The following ACYP2 variants were observed in gnomAD, a reference collection of about 807,000 sequenced individuals.
ACYP2 encodes acylphosphatase 2.
Under a neutral mutation model 11.2 loss-of-function variants are expected in ACYP2, and 12 were observed. The ratio of observed to expected loss-of-function variants is 1.08; its 90% CI spans 0.69 to 1.74. ACYP2 has a LOEUF of 1.74. ACYP2 is among the 40% of genes most tolerant of loss of function. The pLI, the probability that ACYP2 is intolerant of heterozygous loss-of-function variation, is 0.00. For missense variants in ACYP2, 134 were observed against 101.9 expected, an observed-to-expected ratio of 1.31 and a Z score of -1.35; for synonymous variants, 43 against 32.2, an observed-to-expected ratio of 1.33 and a Z score of -1.13.
intron 4 of ACYP2, among the ~76,000 whole-genome samples, chr2:54,132,222 T>C (rs926787763): frequency 2.6e-5 from 4 of 152,168 alleles, no homozygotes; most frequent in African/African-American, 9.7e-5. Flanking sequence ...TCTCCTGTTT[T>C]ATCTCTCTCC....
intron 2 of ACYP2, among the ~76,000 whole-genome samples, chr2:54,021,136 G>T (rs867576546): frequency 6.6e-6 from 1 of 152,110 alleles, no homozygotes; most frequent in South Asian, 2.1e-4. Flanking sequence ...AATTCTGATT[G>T]GCTGTTTTAA....
At chr2:54,004,127 A>T (rs1419533477) in intron 2 of ACYP2, among the ~76,000 whole-genome samples, 4 of 151,838 alleles carry the variant, frequency 2.6e-5, no homozygotes, top group African/African-American at 9.7e-5. Flanking sequence ...GGGACCACAG[A>T]CATGCGCCGC....
intron 4 of ACYP2, among the ~76,000 whole-genome samples, chr2:54,077,569 G>A (rs1335168429): frequency 6.6e-6 from 1 of 152,216 alleles, no homozygotes; most frequent in Non-Finnish European, 1.5e-5. Context: ...AAGGAAAGGG[G>A]ACTTCTGAGA....
intron 2 of ACYP2, among the ~76,000 whole-genome samples, chr2:53,980,421 G>T (rs553365570): frequency 6.6e-6 from 1 of 151,366 alleles, no homozygotes; most frequent in Admixed American, 6.6e-5. Context: ...TATTATTGAA[G>T]AAAGAAAATA....
chr2:54,092,096 C>A lies in ACYP2; in HGVS notation c.277+34736C>A, dbSNP rs554517071. On this transcript the variant is annotated intron_variant, in intron 4 of 6. Coordinates refer to ENST00000607452, the MANE Select transcript of ACYP2 (RefSeq NM_001320586.2). The stretch of plus-strand genomic sequence containing the variant: ...GGGAGTTGGAGGACCCAAAGATGAA[C>A]CAGGTTTCCAGCAGAGGTACTGGAT... 7.9e-5 allele frequency among the ~76,000 whole-genome samples: 12 copies of A among 151,876 alleles called. No individual in the cohort carries two copies. In the South Asian group the frequency reaches 1.5e-3, roughly 18 times the overall value.
chr2:54,117,893 A>G (rs907274910), intron 4 of ACYP2, among the ~76,000 whole-genome samples: 2 of 152,118 alleles, frequency 1.3e-5, no homozygotes, highest in Non-Finnish European at 2.9e-5. Context: ...ACTGTACCCA[A>G]TGTGTAGCCT....
At chr2:54,151,426 G>T (rs1370625432) in intron 6 of ACYP2, among the ~76,000 whole-genome samples, 1 of 152,104 alleles carries the variant, frequency 6.6e-6, no homozygotes, top group Non-Finnish European at 1.5e-5. Context: ...GTATTTCAAG[G>T]TACTTTGCTA....
intron 3 of ACYP2, chr2:54,051,826 C>T: frequency 2.7e-6 from 1 of 364,476 alleles, no homozygotes; most frequent in Non-Finnish European, 5.1e-6. Context: ...AGGAAAATCA[C>T]CTGAGGTCAG....
intron 6 of ACYP2, among the ~76,000 whole-genome samples, chr2:54,257,137 G>T (rs1272595723): frequency 2.0e-5 from 3 of 152,082 alleles, no homozygotes; most frequent in Non-Finnish European, 2.9e-5. Context: ...ACTTTGAGAG[G>T]CGGAGACGGG....
intron 4 of ACYP2, among the ~76,000 whole-genome samples, chr2:54,131,708 C>T (rs536519736): frequency 3.3e-5 from 5 of 152,140 alleles, no homozygotes; most frequent in South Asian, 2.1e-4. Context: ...TGGTACCCTA[C>T]GAGATTTTAA....
chr2:53,997,131 A>T (rs1020844172), intron 2 of ACYP2, among the ~76,000 whole-genome samples: 1 of 152,142 alleles, frequency 6.6e-6, no homozygotes, highest in African/African-American at 2.4e-5. Context: ...ACCCCATTTG[A>T]CAAACCATTC....
At chr2:53,973,629 A>C (rs924116956) in intron 1 of ACYP2, 97 of 201,124 alleles carry the variant, frequency 4.8e-4, no homozygotes, top group African/African-American at 2.1e-3. Context: ...TGCCCCCAAA[A>C]CATTGCACTT....
intron 6 of ACYP2, among the ~76,000 whole-genome samples, chr2:54,209,116 C>G (rs1038076457): frequency 6.6e-6 from 1 of 151,264 alleles, no homozygotes; most frequent in Non-Finnish European, 1.5e-5. Context: ...TGAAAAAAAT[C>G]TGTTTTCTTA....
At chr2:54,005,730 T>G (rs192552118) in intron 2 of ACYP2, among the ~76,000 whole-genome samples, 31 of 152,310 alleles carry the variant, frequency 2.0e-4, no homozygotes, top group African/African-American at 7.2e-4. Context: ...CACTGTAGCT[T>G]TACAGTAAAG....
chr2:54,184,064 C>A (rs1683867133), intron 6 of ACYP2, among the ~76,000 whole-genome samples: 1 of 152,146 alleles, frequency 6.6e-6, no homozygotes, highest in Non-Finnish European at 1.5e-5. Flanking sequence ...CTTTTGCATT[C>A]GTTTAGTCTA....
intron 4 of ACYP2, among the ~76,000 whole-genome samples, chr2:54,091,822 A>G (rs550675590): frequency 2.0e-5 from 3 of 152,188 alleles, no homozygotes; most frequent in East Asian, 1.9e-4. Context: ...AACTCTCTTG[A>G]TTTTAAATGT....
At chr2:54,236,513 T>G (rs184189807) in intron 6 of ACYP2, among the ~76,000 whole-genome samples, 26 of 152,326 alleles carry the variant, frequency 1.7e-4, no homozygotes. Flanking sequence ...AGGTAAATTT[T>G]TGTTATTGAT....
chr2:54,015,212 A>T (rs1404116388), intron 2 of ACYP2, among the ~76,000 whole-genome samples: 2 of 151,822 alleles, frequency 1.3e-5, no homozygotes, highest in Admixed American at 6.6e-5. Flanking sequence ...GATAAAAAAG[A>T]TAAGTAAATA....
At chr2:54,256,577 T>C (rs1687549663) in intron 6 of ACYP2, among the ~76,000 whole-genome samples, 1 of 152,216 alleles carries the variant, frequency 6.6e-6, no homozygotes, top group Non-Finnish European at 1.5e-5. Context: ...CAGTCATTCT[T>C]CCAGTATAGG....
Sources: gnomAD v4.1 joint callset for allele counts (sites outside exome capture counted in the v4.1 genomes callset) on GRCh38, gnomAD v4.1.1 for gene constraint, MANE v1.5 for transcripts, NCBI Gene and HGNC (gene_info 2026-07-23, HGNC 2026-07-21) for gene names.